The following MSRB2 variants were observed in gnomAD, a reference collection of about 807,000 sequenced individuals.
The protein encoded by MSRB2 is methionine-R-sulfoxide reductase B2, mitochondrial.
Under a neutral mutation model 19.0 loss-of-function variants are expected in MSRB2, and 17 were observed. That is an observed-to-expected ratio of 0.89 (90% CI 0.61 to 1.34). The LOEUF is 1.34. Among genes scored for constraint, MSRB2 ranks in the 40% most tolerant of loss-of-function variants. The pLI, the probability that MSRB2 is intolerant of heterozygous loss-of-function variation, is 0.00. For synonymous variants in MSRB2, 107 were observed against 99.7 expected (o/e 1.07, Z -0.44); for missense variants, 208 against 237.6 (o/e 0.88, Z 0.82).
intron 3 of MSRB2, among the ~76,000 whole-genome samples, chr10:23,116,073 C>T: frequency 6.6e-6 from 1 of 152,088 alleles, no homozygotes; most frequent in East Asian, 1.9e-4. Context: ...CCCACAACTG[C>T]TCACATTCCA....
At chr10:23,112,620 G>A (rs998566628) in intron 3 of MSRB2, among the ~76,000 whole-genome samples, 8 of 152,134 alleles carry the variant, frequency 5.3e-5, no homozygotes, top group African/African-American at 9.7e-5. Flanking sequence ...ATGGAGTCTC[G>A]CTCTGTCGCC....
In MSRB2 at chr10:23,095,858, T is replaced by TCC. The variant is rs55816790; in HGVS notation, c.118+141_118+142dup. 1.6e-3 allele frequency: 643 copies of TCC among 394,892 alleles called. 4 individuals are homozygous for TCC. Among genetic ancestry groups the TCC allele is most frequent in the African/African-American group, 8.9e-3 (396 of 44,644 alleles). 24.5% of individuals were successfully genotyped at this position (394,892 alleles called of 1,614,324 possible). ...TACTAAGCCCTCCTCGGCGCGCCCC[T>TCC]CCCCCCCCCCAGCCCGAGGATCTGG... On this transcript the variant is annotated intron_variant, in intron 1 of 4. Coordinates refer to ENST00000376510, the MANE Select transcript of MSRB2 (RefSeq NM_012228.4).
At chr10:23,118,605 C>A (rs925965479) in intron 3 of MSRB2, among the ~76,000 whole-genome samples, 1 of 151,966 alleles carries the variant, frequency 6.6e-6, no homozygotes. Context: ...GGTACCCAGG[C>A]GTATTAATTA....
At chr10:23,099,723 C>T (rs572004792) in intron 1 of MSRB2, among the ~76,000 whole-genome samples, 4 of 152,186 alleles carry the variant, frequency 2.6e-5, no homozygotes, top group Admixed American at 6.5e-5. Context: ...CAGTGAGACT[C>T]GGTCTCTTAA....
In MSRB2 at chr10:23,104,145, G is replaced by T. The variant is rs201618951; in HGVS notation, c.120G>T (p.Gly40=). 6.2e-7 allele frequency: 1 copy of T among 1,611,292 alleles called. No homozygotes were observed. Among genetic ancestry groups the T allele is most frequent in the Non-Finnish European group, 8.5e-7 (1 of 1,178,980 alleles). ...PGTGPGLGEA[G]SLATCELPLA... ...TAAAATTCCTGTTTAACAATACAGG[G>T]TCTCTTGCAACGTGTGAGCTGCCTC... Residue 40 remains glycine, a splice_region_variant and synonymous_variant, in exon 2 of 5, where the codon GGG becomes GGT. Coordinates refer to ENST00000376510, the MANE Select transcript of MSRB2 (RefSeq NM_012228.4).
At chr10:23,111,664 T>A (rs1032296803) in intron 3 of MSRB2, among the ~76,000 whole-genome samples, 2 of 152,230 alleles carry the variant, frequency 1.3e-5, no homozygotes, top group Admixed American at 1.3e-4. Context: ...CAGAAAGCTC[T>A]GTCCAGTAGA....
Position 23,120,796 on chromosome 10 carries a change from T to C in MSRB2, c.483T>C (p.Pro161=). The C allele has an allele frequency of 6.2e-7, 1 of 1,614,178 alleles. No homozygotes were observed. Among genetic ancestry groups the C allele is most frequent in the Non-Finnish European group, 8.5e-7 (1 of 1,180,032 alleles). The change falls in exon 5 of 5, where the codon CCT becomes CCC. Residue 161 remains proline, a synonymous_variant. Coordinates refer to ENST00000376510, the MANE Select transcript of MSRB2 (RefSeq NM_012228.4). The part of the protein sequence containing the change: ...AHLGHVFPDG[P]GPNGQRFCIN... ...TAGGTCACGTGTTTCCTGATGGACC[T>C]GGGCCCAATGGTCAGAGGTTTTGCA...
chr10:23,099,063 A>G (rs1314004348), intron 1 of MSRB2, among the ~76,000 whole-genome samples: 3 of 152,118 alleles, frequency 2.0e-5, no homozygotes, highest in African/African-American at 7.2e-5. Flanking sequence ...CCCCCTCTTA[A>G]TGGCCTCATT....
intron 4 of MSRB2, 77 bp from the exon 5 acceptor site, chr10:23,120,681 G>A (rs144507138): frequency 3.7e-6 from 4 of 1,086,494 alleles, no homozygotes; most frequent in East Asian, 2.5e-5. Context: ...AGTGATTTTG[G>A]GGGGGTTCGT....
chr10:23,112,457 T>C (rs1454956913), intron 3 of MSRB2, among the ~76,000 whole-genome samples: 1 of 152,208 alleles, frequency 6.6e-6, no homozygotes, highest in Non-Finnish European at 1.5e-5. Flanking sequence ...ATGAAGATAA[T>C]AGTACCTAAT....
In MSRB2 at chr10:23,095,686, C is replaced by A; in HGVS notation, c.78C>A (p.Gly26=). Residue 26 remains glycine, a synonymous_variant, in exon 1 of 5, where the codon GGC becomes GGA. Transcript: ENST00000376510. ...APRRAVRGQA[G]GGGPGTGPGL... ...GGCGGGCGGTGCGGGGCCAAGCGGG[C>A]GGCGGCGGGCCCGGCACCGGGCCGG... 2.3e-6 allele frequency: 3 copies of A among 1,314,470 alleles called. No homozygotes were observed. Among genetic ancestry groups the A allele is most frequent in the Non-Finnish European group, 2.9e-6 (3 of 1,039,200 alleles). 81.4% of individuals were successfully genotyped at this position (1,314,470 alleles called of 1,614,324 possible). A position where few individuals can be genotyped will look rare whatever the true frequency, so the allele number is the denominator to read the frequency against.
rs1341073504 is a variant in MSRB2, at chr10:23,121,686, G to A, written c.*824G>A. On this transcript the variant is annotated 3_prime_UTR_variant, in exon 5 of 5. Coordinates refer to ENST00000376510, the MANE Select transcript of MSRB2 (RefSeq NM_012228.4). The stretch of plus-strand genomic sequence containing the variant: ...AAAAATTCCCTGCACCTTCCACTGC[G>A]TTTCAGTCCTTGACAGACATAAGTA... The A allele has an allele frequency of 1.3e-5, 2 of 152,182 alleles. No homozygotes were observed. Among genetic ancestry groups the A allele is most frequent in the African/African-American group, 2.4e-5 (1 of 41,424 alleles). The allele number at this position is 152,182 out of a possible 1,614,324, so 9.4% of individuals were successfully genotyped here. A position where few individuals can be genotyped will look rare whatever the true frequency, so the allele number is the denominator to read the frequency against.
chr10:23,115,411 C>T (rs999249002), intron 3 of MSRB2, among the ~76,000 whole-genome samples: 5 of 152,106 alleles, frequency 3.3e-5, no homozygotes, highest in African/African-American at 4.8e-5. Flanking sequence ...ATCCTGATGT[C>T]GTATGTACCA....
chr10:23,103,038 A>C (rs1839942570), intron 1 of MSRB2, among the ~76,000 whole-genome samples: 1 of 152,204 alleles, frequency 6.6e-6, no homozygotes, highest in South Asian at 2.1e-4. Flanking sequence ...CTTGTGTAAA[A>C]ATAATAACAG....
chr10:23,115,284 T>G (rs1224246687), intron 3 of MSRB2, among the ~76,000 whole-genome samples: 2 of 152,242 alleles, frequency 1.3e-5, no homozygotes, highest in Non-Finnish European at 2.9e-5. Flanking sequence ...TTCTTCTACA[T>G]GAGCCTATTT....
chr10:23,099,455 G>C, intron 1 of MSRB2, among the ~76,000 whole-genome samples: 1 of 152,138 alleles, frequency 6.6e-6, no homozygotes, highest in Non-Finnish European at 1.5e-5. Context: ...CATTGATAAG[G>C]ATTAAAAGAA....
At position 23,120,819 on chromosome 10, in the gene MSRB2, G is replaced by T; in HGVS notation, c.506G>T (p.Cys169Phe). The T allele has an allele frequency of 6.2e-7, 1 of 1,614,122 alleles. No homozygotes were observed. Among genetic ancestry groups the T allele is most frequent in the Non-Finnish European group, 8.5e-7 (1 of 1,180,024 alleles). ...DGPGPNGQRF[C>F]INSVALKFKP... ...CCTGGGCCCAATGGTCAGAGGTTTT[G>T]CATCAACAGTGTGGCTTTGAAGTTC... The change falls in exon 5 of 5, where the codon TGC (cysteine) becomes TTC (phenylalanine). Residue 169 changes from cysteine (C) to phenylalanine (F), a missense_variant. Cys to Phe is a radical substitution (Grantham distance 205, BLOSUM62 -2). Coordinates refer to ENST00000376510, the MANE Select transcript of MSRB2 (RefSeq NM_012228.4).
intron 3 of MSRB2, among the ~76,000 whole-genome samples, chr10:23,116,824 G>T (rs755034080): frequency 6.6e-6 from 1 of 152,176 alleles, no homozygotes; most frequent in East Asian, 1.9e-4. Context: ...TTCTTTAAGT[G>T]TAGGGGTGCA....
chr10:23,107,958 A>AT (rs201449480), intron 2 of MSRB2, among the ~76,000 whole-genome samples: 2,349 of 146,396 alleles, frequency 0.016, 31 homozygotes, highest in Non-Finnish European at 0.024. Context: ...CTTTTCATTG[A>AT]TTTTTTTTTT....
Sources: gnomAD v4.1 joint callset for allele counts (sites outside exome capture counted in the v4.1 genomes callset) on GRCh38, gnomAD v4.1.1 for gene constraint, MANE v1.5 for transcripts, NCBI Gene and HGNC (gene_info 2026-07-23, HGNC 2026-07-21) for gene names.